The following AASDHPPT variants were observed in gnomAD, a reference collection of about 807,000 sequenced individuals.
AASDHPPT encodes the protein aminoadipate-semialdehyde dehydrogenase-phosphopantetheinyl transferase.
Under a neutral mutation model 36.4 loss-of-function variants are expected in AASDHPPT, and 23 were observed. The ratio of observed to expected loss-of-function variants is 0.63; its 90% CI spans 0.45 to 0.89. The LOEUF is 0.89. Among genes scored for constraint, AASDHPPT ranks in the 40% least tolerant of loss-of-function variants. The probability of loss-of-function intolerance (pLI) is 0.00; values close to 1 mark genes in which losing one functional copy is unlikely to be tolerated. For synonymous variants in AASDHPPT, 115 were observed against 128.0 expected (o/e 0.90, Z 0.68); for missense variants, 377 against 378.2 (o/e 1.00, Z 0.03).
At chr11:106,088,429 C>G (rs1428835423) in intron 2 of AASDHPPT, among the ~76,000 whole-genome samples, 1 of 152,072 alleles carries the variant, frequency 6.6e-6, no homozygotes, top group Non-Finnish European at 1.5e-5. Context: ...TACAGTTTCA[C>G]TCAAAATATA....
At chr11:106,080,266 T>C (rs542770560) in intron 2 of AASDHPPT, among the ~76,000 whole-genome samples, 10 of 152,232 alleles carry the variant, frequency 6.6e-5, no homozygotes, top group African/African-American at 2.2e-4. Flanking sequence ...GCAGGTTCCA[T>C]AGGGCCGCAT....
intron 2 of AASDHPPT, among the ~76,000 whole-genome samples, chr11:106,083,867 G>A (rs532477789): frequency 3.7e-4 from 56 of 152,088 alleles, no homozygotes; most frequent in South Asian, 1.0e-3. Flanking sequence ...CTTTTCAAAC[G>A]AGACAGAGTT....
In AASDHPPT at chr11:106,098,605, A is replaced by G. The variant is rs1591547098; in HGVS notation, c.*1698A>G. ...GTCAAGTAGCATTTATAATAGAGGA[A>G]GTATTGTTATCCCTAGCATGAGTGT... is the stretch of plus-strand genomic sequence containing the variant. On this transcript the variant is annotated 3_prime_UTR_variant, in exon 6 of 6. Coordinates refer to ENST00000278618, the MANE Select transcript of AASDHPPT (RefSeq NM_015423.3). 1 of 152,002 alleles carries G rather than the reference A, an allele frequency of 6.6e-6. No individual in the cohort carries two copies. Among genetic ancestry groups the G allele is most frequent in the African/African-American group, 2.4e-5 (1 of 41,432 alleles). 9.4% of individuals were successfully genotyped at this position (152,002 alleles called of 1,614,324 possible). A position where few individuals can be genotyped will look rare whatever the true frequency, so the allele number is the denominator to read the frequency against.
At chr11:106,084,157 T>C (rs1322089175) in intron 2 of AASDHPPT, among the ~76,000 whole-genome samples, 1 of 151,586 alleles carries the variant, frequency 6.6e-6, no homozygotes, top group Non-Finnish European at 1.5e-5. Flanking sequence ...TTGCAGAAAA[T>C]TGGAAAAAAA....
chr11:106,085,519 A>G (rs972311029), intron 2 of AASDHPPT, among the ~76,000 whole-genome samples: 2 of 152,256 alleles, frequency 1.3e-5, no homozygotes, highest in African/African-American at 4.8e-5. Flanking sequence ...TTTCATATTA[A>G]ATCATCTTTC....
At chr11:106,087,584 T>C (rs983269802) in intron 2 of AASDHPPT, among the ~76,000 whole-genome samples, 7 of 152,148 alleles carry the variant, frequency 4.6e-5, no homozygotes, top group Non-Finnish European at 1.0e-4. Flanking sequence ...GTATACATAT[T>C]GGTGACCTTG....
rs1480670063 is a variant in AASDHPPT, at chr11:106,097,894, C to CT, written c.*993dup. On this transcript the variant is annotated 3_prime_UTR_variant, in exon 6 of 6. Transcript: ENST00000278618. ...AGAAAGGTTTACCATAATTTACTCA[C>CT]TTTTTTCTGTGTTAGACATTTTGAT... The CT allele has an allele frequency of 6.6e-6, 1 of 152,106 alleles. No homozygotes were observed. The highest frequency in any genetic ancestry group is 2.4e-5 in the African/African-American group (1 of 41,438). 9.4% of individuals were successfully genotyped at this position (152,106 alleles called of 1,614,324 possible).
Position 106,096,825 on chromosome 11 carries a change from C to T in AASDHPPT, c.848C>T (p.Pro283Leu), listed in dbSNP as rs777983492. The T allele has an allele frequency of 6.2e-7, 1 of 1,611,202 alleles. No individual in the cohort carries two copies. Among genetic ancestry groups the T allele is most frequent in the Admixed American group, 1.7e-5 (1 of 59,520 alleles). ...NFNDLMSSAV[P>L]MTPEDPSFWD... The stretch of plus-strand genomic sequence containing the variant: ...AATGATTTAATGTCATCTGCCGTTC[C>T]CATGACACCTGAAGATCCTTCATTT... Residue 283 changes from proline (P) to leucine (L), a missense_variant, in exon 6 of 6, where the codon CCC becomes CTC. Transcript: ENST00000278618.
rs183220138 is a variant in AASDHPPT at position 106,095,165 on chromosome 11, G to A, written c.765+511G>A. ...TACCCGCTTCTTCACATTCGTATAC[G>A]CTTAAGTATTACAACAAAAAAAAAT... On this transcript the variant is annotated intron_variant, in intron 5 of 5. Transcript: ENST00000278618. 3.9e-5 allele frequency among the ~76,000 whole-genome samples: 6 copies of A among 151,998 alleles called. No individual in the cohort carries two copies. The East Asian group carries it at 5.8e-4, about 15-fold the overall frequency.
chr11:106,088,490 A>G (rs988843183), intron 2 of AASDHPPT, among the ~76,000 whole-genome samples: 10 of 152,122 alleles, frequency 6.6e-5, no homozygotes, highest in African/African-American at 1.9e-4. Flanking sequence ...TTATTGTTAC[A>G]TATGCTGTTT....
chr11:106,078,941 C>T (rs1254569072), intron 1 of AASDHPPT, among the ~76,000 whole-genome samples: 3 of 151,996 alleles, frequency 2.0e-5, no homozygotes, highest in Admixed American at 6.6e-5. Flanking sequence ...TACATATGCA[C>T]AGATGTAGGT....
chr11:106,085,547 T>C (rs1030130540), intron 2 of AASDHPPT, among the ~76,000 whole-genome samples: 2 of 152,204 alleles, frequency 1.3e-5, no homozygotes, highest in Non-Finnish European at 2.9e-5. Context: ...AGAGAATATA[T>C]TGGTGGCAAA....
intron 5 of AASDHPPT, among the ~76,000 whole-genome samples, chr11:106,095,520 G>A (rs1370033169): frequency 6.6e-6 from 1 of 152,146 alleles, no homozygotes; most frequent in Non-Finnish European, 1.5e-5. Context: ...AGAACTTAGG[G>A]TCAAAGACTC....
At chr11:106,087,869 A>G (rs1468489596) in intron 2 of AASDHPPT, among the ~76,000 whole-genome samples, 3 of 152,160 alleles carry the variant, frequency 2.0e-5, no homozygotes, top group Non-Finnish European at 4.4e-5. Context: ...TATTATTAGA[A>G]CTTGCCAACG....
chr11:106,093,854 C>T (rs1012699030), intron 4 of AASDHPPT: 10 of 151,710 alleles, frequency 6.6e-5, no homozygotes, highest in African/African-American at 2.2e-4. Flanking sequence ...TATAAATTTC[C>T]ACCATGATTT....
At position 106,097,124 on chromosome 11, in the gene AASDHPPT, G is replaced by C; in HGVS notation, c.*217G>C. 2.3e-6 allele frequency: 1 copy of C among 428,064 alleles called. No individual in the cohort carries two copies. The highest frequency in any genetic ancestry group is 4.0e-6 in the Non-Finnish European group (1 of 248,116). 26.5% of individuals were successfully genotyped at this position (428,064 alleles called of 1,614,324 possible). On this transcript the variant is annotated 3_prime_UTR_variant, in exon 6 of 6. Transcript: ENST00000278618. ...TTTCCTAAATTGCATTGAATTGATA[G>C]GAAGGATGGCGGAATCTTAAAGTGA...
chr11:106,078,735 T>TA (rs1861096134), intron 1 of AASDHPPT, among the ~76,000 whole-genome samples: 1 of 152,212 alleles, frequency 6.6e-6, no homozygotes, highest in Non-Finnish European at 1.5e-5. Flanking sequence ...AAGTCAGTGT[T>TA]AGAATTGAAG....
intron 3 of AASDHPPT, among the ~76,000 whole-genome samples, chr11:106,091,104 G>A (rs1009712025): frequency 3.3e-5 from 5 of 152,036 alleles, no homozygotes; most frequent in Non-Finnish European, 5.9e-5. Context: ...GGTTACATAC[G>A]AGGGGATACA....
rs1198563281 is a variant in AASDHPPT, at chr11:106,097,897, T to G, written c.*990T>G. The G allele has an allele frequency of 1.3e-5, 2 of 152,132 alleles. No individual in the cohort carries two copies. The highest frequency in any genetic ancestry group is 2.4e-5 in the African/African-American group (1 of 41,444). 9.4% of individuals were successfully genotyped at this position (152,132 alleles called of 1,614,324 possible). On this transcript the variant is annotated 3_prime_UTR_variant, in exon 6 of 6. Coordinates refer to ENST00000278618, the MANE Select transcript of AASDHPPT (RefSeq NM_015423.3). Reference sequence around the variant, plus strand: ...AAGGTTTACCATAATTTACTCACTTTTTTCTGTGTTAGACATTTTGATTAT... The same window carrying G: ...AAGGTTTACCATAATTTACTCACTTGTTTCTGTGTTAGACATTTTGATTAT...
Sources: allele counts gnomAD v4.1 joint callset (sites outside exome capture counted in the v4.1 genomes callset), GRCh38; gene constraint gnomAD v4.1.1; transcripts MANE v1.5; gene names NCBI Gene and HGNC (gene_info 2026-07-23, HGNC 2026-07-21).